The following KIAA0408 variants were observed in gnomAD, a reference collection of about 807,000 sequenced individuals.
KIAA0408 encodes KIAA0408.
Under a neutral mutation model 60.9 loss-of-function variants are expected in KIAA0408, and 51 were observed. That is an observed-to-expected ratio of 0.84 (90% CI 0.67 to 1.06). KIAA0408 has a LOEUF of 1.06. KIAA0408 is among the 50% of genes least tolerant of loss of function. KIAA0408 has a pLI of 0.00. For synonymous variants in KIAA0408, 304 were observed against 282.4 expected, an observed-to-expected ratio of 1.08 and a Z score of -0.77; for missense variants, 787 against 833.9, an observed-to-expected ratio of 0.94 and a Z score of 0.69.
chr6:127,449,300 A>T (rs1284049349), intron 4 of KIAA0408, among the ~76,000 whole-genome samples: 2 of 152,216 alleles, frequency 1.3e-5, no homozygotes, highest in East Asian at 1.9e-4. Flanking sequence ...TTACTAATAG[A>T]TTACAAAGAG....
intron 2 of KIAA0408, among the ~76,000 whole-genome samples, chr6:127,453,414 T>C (rs1409060046): frequency 1.3e-5 from 2 of 152,064 alleles, no homozygotes; most frequent in African/African-American, 4.8e-5. Flanking sequence ...ATCTAACATG[T>C]AATTTCCTTT....
chr6:127,440,834 C>T lies in KIAA0408; in HGVS notation c.*3275G>A, dbSNP rs1363948988. On this transcript the variant is annotated 3_prime_UTR_variant, in exon 6 of 6. Coordinates refer to ENST00000483725, the MANE Select transcript of KIAA0408 (RefSeq NM_014702.5). ...TGGGTAGAGAGAGGATGTCAGTGTA[C>T]GAGAAGCCATATGGAGTTTTGGGTG... 2 of 152,176 alleles carry T rather than the reference C, an allele frequency of 1.3e-5. No individual in the cohort carries two copies. Among genetic ancestry groups the T allele is most frequent in the South Asian group, 4.1e-4 (2 of 4,824 alleles). 9.4% of individuals were successfully genotyped at this position (152,176 alleles called of 1,614,324 possible). A position where few individuals can be genotyped will look rare whatever the true frequency, so the allele number is the denominator to read the frequency against.
intron 1 of KIAA0408, among the ~76,000 whole-genome samples, chr6:127,457,980 T>G (rs1583073785): frequency 2.6e-5 from 4 of 152,356 alleles, no homozygotes; most frequent in Admixed American, 2.6e-4. Flanking sequence ...TTGCTGTCCT[T>G]ATTTCCTTTT....
In KIAA0408 at chr6:127,447,141, AC is replaced by A; in HGVS notation, c.1177del (p.Val393Ter). The A allele has an allele frequency of 1.2e-6, 2 of 1,613,940 alleles. No individual in the cohort carries two copies. Among genetic ancestry groups the A allele is most frequent in the Non-Finnish European group, 1.7e-6 (2 of 1,179,962 alleles). On this transcript the variant is annotated frameshift_variant, in exon 5 of 6. Transcript: ENST00000483725. LOFTEE classifies it high-confidence loss of function. ...AGATTTAGCAGGGTGATCTGGGATCACCATTTCATATTTTGGATTACTGGGG... is the reference window on the plus strand; with the variant it reads ...AGATTTAGCAGGGTGATCTGGGATCACATTTCATATTTTGGATTACTGGGG... ...STPSNPKYEM[V>X]IPDHPAKSHP...
intron 5 of KIAA0408, among the ~76,000 whole-genome samples, chr6:127,445,443 A>G (rs1047372557): frequency 1.3e-5 from 2 of 152,210 alleles, no homozygotes; most frequent in African/African-American, 4.8e-5. Flanking sequence ...AAAAACAGGC[A>G]AGATTTCTCA....
chr6:127,444,083 G>A lies in KIAA0408; in HGVS notation c.*26C>T. ...TTTGACAAGTGGGACTAGAACTTCT[G>A]TAATATAGCAATCCAGGCCAAAGAC... On this transcript the variant is annotated 3_prime_UTR_variant, in exon 6 of 6. Coordinates refer to ENST00000483725, the MANE Select transcript of KIAA0408 (RefSeq NM_014702.5). 1.2e-6 allele frequency: 2 copies of A among 1,610,612 alleles called. No individual in the cohort carries two copies. Among genetic ancestry groups the A allele is most frequent in the African/African-American group, 1.3e-5 (1 of 74,904 alleles).
In KIAA0408 at chr6:127,444,163, C is replaced by T. The variant is rs1183213082; in HGVS notation, c.2031G>A (p.Arg677=). The T allele has an allele frequency of 3.1e-6, 5 of 1,613,822 alleles. No individual in the cohort carries two copies. The Admixed American group carries it at 6.7e-5, about 22-fold the overall frequency. The part of the protein sequence containing the change: ...SRSPSAPPAL[R]RTTHNYTISL... ...AAATGGTATAGTTGTGGGTAGTTCT[C>T]CGCAAGGCAGGGGGTGCAGATGGAG... The change falls in exon 6 of 6, where the codon CGG becomes CGA. Residue 677 remains arginine, a synonymous_variant. Coordinates refer to ENST00000483725, the MANE Select transcript of KIAA0408 (RefSeq NM_014702.5).
chr6:127,453,965 T>C lies in KIAA0408; in HGVS notation c.17A>G (p.Gln6Arg), dbSNP rs969471289. The C allele has an allele frequency of 1.2e-6, 2 of 1,612,616 alleles. No individual in the cohort carries two copies. Among genetic ancestry groups the C allele is most frequent in the Non-Finnish European group, 1.7e-6 (2 of 1,179,012 alleles). MDLHK[Q>R]WENTETNWHK... ...CCAGTTAGTCTCTGTGTTCTCCCAC[T>C]GCTTATGTAGGTCCATGGCAACAGT... Residue 6 changes from glutamine to arginine, a missense_variant, in exon 2 of 6, where the codon CAG (glutamine) becomes CGG (arginine). Gln to Arg is a conservative substitution (Grantham distance 43). Coordinates refer to ENST00000483725, the MANE Select transcript of KIAA0408 (RefSeq NM_014702.5).
chr6:127,443,223 A>G lies in KIAA0408; in HGVS notation c.*886T>C, dbSNP rs138921260. ...TAAAGAAAAACTAAAATTCAACATC[A>G]TTCAGTTTCTTTTTGCATCCCATTT... is the stretch of plus-strand genomic sequence containing the variant. On this transcript the variant is annotated 3_prime_UTR_variant, in exon 6 of 6. Transcript: ENST00000483725. The G allele has an allele frequency of 6.6e-6, 1 of 152,266 alleles. No homozygotes were observed. The highest frequency in any genetic ancestry group is 2.4e-5 in the African/African-American group (1 of 41,582). The allele number at this position is 152,266 out of a possible 1,614,324, so 9.4% of individuals were successfully genotyped here.
In KIAA0408 at chr6:127,440,228, ACTC is replaced by A. The variant is rs1431772397; in HGVS notation, c.*3878_*3880del. 6.6e-6 allele frequency: 1 copy of A among 151,884 alleles called. No homozygotes were observed. The highest frequency in any genetic ancestry group is 2.4e-5 in the African/African-American group (1 of 41,324). The allele number at this position is 151,884 out of a possible 1,614,324, so 9.4% of individuals were successfully genotyped here. A position where few individuals can be genotyped will look rare whatever the true frequency, so the allele number is the denominator to read the frequency against. On this transcript the variant is annotated 3_prime_UTR_variant, in exon 6 of 6. Coordinates refer to ENST00000483725, the MANE Select transcript of KIAA0408 (RefSeq NM_014702.5). ...ATCATTTTTGGTACTTGTCTGAAGAACTCATCCCCAATTTTTGCCTTTTTTGCT... is the reference window on the plus strand; with the variant it reads ...ATCATTTTTGGTACTTGTCTGAAGAAATCCCCAATTTTTGCCTTTTTTGCT...
intron 5 of KIAA0408, 144 bp from the exon 6 acceptor site, chr6:127,444,426 A>G (rs1287538665): frequency 3.4e-5 from 21 of 622,546 alleles, no homozygotes; most frequent in Non-Finnish European, 5.1e-5. Context: ...GTAGTTGTCT[A>G]ATATTTGTGG....
In KIAA0408 at chr6:127,447,204, C is replaced by T; in HGVS notation, c.1115G>A (p.Ser372Asn). The T allele has an allele frequency of 6.2e-7, 1 of 1,612,012 alleles. No individual in the cohort carries two copies. Among genetic ancestry groups the T allele is most frequent in the Non-Finnish European group, 8.5e-7 (1 of 1,179,254 alleles). Residue 372 changes from serine (S) to asparagine (N), a missense_variant, in exon 5 of 6, where the codon AGC becomes AAC. Ser to Asn is a conservative substitution (Grantham distance 46). This residue lies in a region of KIAA0408 where 640 missense variants were observed against 681.3 expected (regional missense o/e 0.94). Coordinates refer to ENST00000483725, the MANE Select transcript of KIAA0408 (RefSeq NM_014702.5). ...TTTCTGAAACCACGAAGTAGAGGGGCTCCTTTTTGCACCTATCCCAATGTC... is the reference window on the plus strand; with the variant it reads ...TTTCTGAAACCACGAAGTAGAGGGGTTCCTTTTTGCACCTATCCCAATGTC... The part of the protein sequence containing the change: ...SCDIGIGAKR[S>N]PSTSWFQKTC...
intron 5 of KIAA0408, 93 bp downstream of exon 5, chr6:127,446,315 C>T (rs1773192251): frequency 6.6e-7 from 1 of 1,513,348 alleles, no homozygotes; most frequent in Non-Finnish European, 8.8e-7. Flanking sequence ...AACTTGTGCC[C>T]TCATTCTATT....
rs376131588 is a variant in KIAA0408, at chr6:127,447,004, C to T, written c.1315G>A (p.Ala439Thr). 1 of 1,613,470 alleles carries T rather than the reference C, an allele frequency of 6.2e-7. No individual in the cohort carries two copies. The highest frequency in any genetic ancestry group is 8.5e-7 in the Non-Finnish European group (1 of 1,179,836). The change falls in exon 5 of 6, where the codon GCA becomes ACA. Residue 439 changes from alanine to threonine, a missense_variant. Transcript: ENST00000483725. ...CTGTTAAATTCATCAGTCTTTGCTGCCAGCTTCTCATTCCTTGTAGTCCTT... is the reference window on the plus strand; with the variant it reads ...CTGTTAAATTCATCAGTCTTTGCTGTCAGCTTCTCATTCCTTGTAGTCCTT... ...FERTTRNEKL[A>T]AKTDEFNRTV... is the part of the protein sequence containing the mutation.
chr6:127,439,107 C>A lies in KIAA0408; in HGVS notation c.*5002G>T. 6.1e-6 allele frequency: 1 copy of A among 164,318 alleles called. No homozygotes were observed. The highest frequency in any genetic ancestry group is 1.8e-4 in the South Asian group (1 of 5,614). The allele number at this position is 164,318 out of a possible 1,614,324, so 10.2% of individuals were successfully genotyped here. On this transcript the variant is annotated 3_prime_UTR_variant, in exon 6 of 6. Coordinates refer to ENST00000483725, the MANE Select transcript of KIAA0408 (RefSeq NM_014702.5). ...CAGCAGCCCTCACCAGACACCGAAT[C>A]TGCTTGCAGCTTGATCTTGGACTTC...
rs189125987 is a variant in KIAA0408, at chr6:127,453,990, T to C, written c.-9A>G. 1 of 1,607,130 alleles carries C rather than the reference T, an allele frequency of 6.2e-7. No homozygotes were observed. The highest frequency in any genetic ancestry group is 2.2e-5 in the East Asian group (1 of 44,708). ...TGCTTATGTAGGTCCATGGCAACAG[T>C]GTAAGTGTCAGCAAAGAAGTGTTTC... On this transcript the variant is annotated 5_prime_UTR_variant, in exon 2 of 6. Coordinates refer to ENST00000483725, the MANE Select transcript of KIAA0408 (RefSeq NM_014702.5).
chr6:127,453,810 A>T, intron 2 of KIAA0408, 37 bp downstream of exon 2: 1 of 1,593,804 alleles, frequency 6.3e-7, no homozygotes, highest in Non-Finnish European at 8.5e-7. Flanking sequence ...TCCTGCACTT[A>T]AACATTACAG....
In KIAA0408 at chr6:127,454,107, A is replaced by G; in HGVS notation, c.-120-6T>C. On this transcript the variant is annotated splice_region_variant and splice_polypyrimidine_tract_variant and intron_variant, in intron 1 of 5. Coordinates refer to ENST00000483725, the MANE Select transcript of KIAA0408 (RefSeq NM_014702.5). ...ACTTGCCTTTAAAATAAAGCCTAAT[A>G]TAAACATAACAAGAGAGAGTTCCAA... 1.4e-6 allele frequency: 2 copies of G among 1,407,840 alleles called. No individual in the cohort carries two copies. Among genetic ancestry groups the G allele is most frequent in the Non-Finnish European group, 1.8e-6 (2 of 1,082,068 alleles). The allele number at this position is 1,407,840 out of a possible 1,614,324, so 87.2% of individuals were successfully genotyped here.
chr6:127,447,437 G>A lies in KIAA0408; in HGVS notation c.882C>T (p.Asp294=), dbSNP rs766987619. 1 of 1,614,008 alleles carries A rather than the reference G, an allele frequency of 6.2e-7. No individual in the cohort carries two copies. Among genetic ancestry groups the A allele is most frequent in the South Asian group, 1.1e-5 (1 of 91,052 alleles). ...QAYERWKERL[D]HNSWVPHEGR... ...CCTCATGGGGCACCCAGCTGTTGTG[G>A]TCTAACCTTTCCTTCCATCTTTCAT... The change falls in exon 5 of 6, where the codon GAC becomes GAT. Residue 294 remains aspartate, a synonymous_variant. Transcript: ENST00000483725.
Sources: allele counts gnomAD v4.1 joint callset (sites outside exome capture counted in the v4.1 genomes callset), GRCh38; gene constraint gnomAD v4.1.1; regional missense constraint gnomAD v4.1.1; transcripts MANE v1.5; gene names NCBI Gene and HGNC (gene_info 2026-07-23, HGNC 2026-07-21).